NBAS: variants seen among roughly 807,000 people sequenced by gnomAD.
The protein encoded by NBAS is NBAS subunit of NRZ tethering complex, also known as NAG/BC035112 fusion.
A neutral mutation model predicts 302.5 loss-of-function variants in NBAS; 219 were observed. The observed-to-expected ratio is 0.72, with a 90% CI of 0.65 to 0.81. The LOEUF (loss-of-function observed/expected upper bound fraction) is 0.81. Ranked by LOEUF, NBAS falls within the 30% of genes least tolerant of loss-of-function variation. The pLI is 0.00. For synonymous variants in NBAS, 1,118 were observed against 1,021.6 expected (o/e 1.09, Z -1.80); for missense variants, 2,932 against 2,841.6 (o/e 1.03, Z -0.72).
chr2:15,549,033 G>C (rs1664250291), intron 6 of NBAS, among the ~76,000 whole-genome samples: 1 of 152,158 alleles, frequency 6.6e-6, no homozygotes, highest in South Asian at 2.1e-4. Flanking sequence ...ATTTCAGGTA[G>C]AATTATAGTA....
chr2:15,122,594 A>T, the NBAS span, among the ~76,000 whole-genome samples: 1 of 152,178 alleles, frequency 6.6e-6, no homozygotes, highest in East Asian at 1.9e-4. Context: ...CATCCAAACC[A>T]TATCAAGGAG....
At chr2:14,887,357 C>G in the NBAS span, among the ~76,000 whole-genome samples, 1 of 147,512 alleles carries the variant, frequency 6.8e-6, no homozygotes, top group East Asian at 2.0e-4. Context: ...GATCTGAGAT[C>G]GCGCCACCGC....
At chr2:15,028,076 G>A in the NBAS span, among the ~76,000 whole-genome samples, 1 of 152,120 alleles carries the variant, frequency 6.6e-6, no homozygotes, top group Non-Finnish European at 1.5e-5. Context: ...TAAATGCACA[G>A]TTTTAAAGTT....
rs756660740 is a variant in NBAS, at chr2:15,467,397, C to G, written c.2029G>C (p.Glu677Gln). ...CTACAACGGCAAAGTTCCTTTTGTT[C>G]CAGTGTCAACCTGTTTTGAATAACT... is the stretch of plus-strand genomic sequence containing the variant. Reference protein sequence around the residue: ...KLVNFSKLTLEQKELCRCRRK... With the variant: ...KLVNFSKLTLQQKELCRCRRK... Residue 677 changes from glutamate (E) to glutamine (Q), a missense_variant, in exon 19 of 52, where the codon GAA (glutamate) becomes CAA (glutamine). Physicochemically the swap from Glu to Gln is conservative, Grantham distance 29 (BLOSUM62 2). Coordinates refer to ENST00000281513, the MANE Select transcript of NBAS (RefSeq NM_015909.4). 3 of 1,612,652 alleles carry G rather than the reference C, an allele frequency of 1.9e-6. No individual in the cohort carries two copies. Among genetic ancestry groups the G allele is most frequent in the Admixed American group, 3.3e-5 (2 of 59,994 alleles).
At chr2:14,905,496 C>A in the NBAS span, among the ~76,000 whole-genome samples, 1 of 152,160 alleles carries the variant, frequency 6.6e-6, no homozygotes, top group East Asian at 1.9e-4. Flanking sequence ...GCCAACAACC[C>A]AACTCTCTCT....
chr2:15,332,255 T>C (rs1672387409), intron 35 of NBAS, among the ~76,000 whole-genome samples: 1 of 152,236 alleles, frequency 6.6e-6, no homozygotes, highest in Non-Finnish European at 1.5e-5. Context: ...ACCTTGATTT[T>C]GGCCTTGTGT....
intron 16 of NBAS, among the ~76,000 whole-genome samples, chr2:15,469,547 T>C (rs1008299985): frequency 2.0e-5 from 3 of 152,162 alleles, no homozygotes; most frequent in African/African-American, 7.2e-5. Context: ...CGTATGTTTA[T>C]AGCGACACTA....
At chr2:15,054,393 G>A in the NBAS span, among the ~76,000 whole-genome samples, 4 of 152,150 alleles carry the variant, frequency 2.6e-5, no homozygotes, top group Non-Finnish European at 5.9e-5. Context: ...GGCTTGGGAG[G>A]GCACTGAAGA....
At chr2:14,977,315 A>T in the NBAS span, among the ~76,000 whole-genome samples, 2 of 152,236 alleles carry the variant, frequency 1.3e-5, no homozygotes, top group East Asian at 3.8e-4. Flanking sequence ...ACAGTGGATG[A>T]ACAAAGAATC....
chr2:15,544,160 T>C (rs1005865750), intron 6 of NBAS, among the ~76,000 whole-genome samples: 1 of 152,216 alleles, frequency 6.6e-6, no homozygotes, highest in Non-Finnish European at 1.5e-5. Context: ...ATATATACAT[T>C]CTTTACTTCC....
chr2:15,463,662 C>G, intron 19 of NBAS, among the ~76,000 whole-genome samples: 1 of 151,846 alleles, frequency 6.6e-6, no homozygotes, highest in Middle Eastern at 3.2e-3. Context: ...CCAGTCAAAC[C>G]CAGCTATGAT....
intron 31 of NBAS, among the ~76,000 whole-genome samples, chr2:15,372,259 T>C (rs1997305): frequency 0.56 from 85,390 of 152,012 alleles, 25,791 homozygotes; most frequent in Non-Finnish European, 0.68. Context: ...GAGAAAAGCA[T>C]ATACATATAC....
chr2:14,936,833 G>A, the NBAS span, among the ~76,000 whole-genome samples: 1 of 152,162 alleles, frequency 6.6e-6, no homozygotes, highest in Admixed American at 6.5e-5. Flanking sequence ...GCACTGACAG[G>A]ACAACACTTT....
intron 6 of NBAS, among the ~76,000 whole-genome samples, chr2:15,542,765 C>T (rs1265101272): frequency 5.3e-5 from 8 of 152,132 alleles, no homozygotes; most frequent in Admixed American, 1.3e-4. Flanking sequence ...TGACAATTTT[C>T]CCCTGAAAAT....
chr2:14,888,263 T>C, the NBAS span, among the ~76,000 whole-genome samples: 1 of 152,158 alleles, frequency 6.6e-6, no homozygotes, highest in Non-Finnish European at 1.5e-5. Flanking sequence ...CCTGAGTAGC[T>C]TGGATTACAG....
chr2:15,412,797 T>A lies in NBAS; in HGVS notation c.2937+2749A>T, dbSNP rs1368150848. Among the ~76,000 whole-genome samples the A allele has an allele frequency of 2.0e-5, 3 of 152,136 alleles. No homozygotes were observed. The East Asian group carries it at 5.8e-4, about 29-fold the overall frequency. ...GCCATGAAGGGGGGGCTCTTACACA[T>A]CATTTGCCTGATAACAGGTAACTAT... On this transcript the variant is annotated intron_variant, in intron 25 of 51. Transcript: ENST00000281513.
intron 13 of NBAS, among the ~76,000 whole-genome samples, chr2:15,476,656 G>C (rs116598399): frequency 6.6e-6 from 1 of 151,966 alleles, no homozygotes; most frequent in African/African-American, 2.4e-5. Flanking sequence ...TGGAGGTCGC[G>C]GTGAGCCTAG....
intron 46 of NBAS, among the ~76,000 whole-genome samples, chr2:15,234,222 T>C (rs1667493987): frequency 6.6e-6 from 1 of 152,200 alleles, no homozygotes; most frequent in African/African-American, 2.4e-5. Flanking sequence ...TGAAAAACCA[T>C]ATTGAAGTCA....
the NBAS span, among the ~76,000 whole-genome samples, chr2:15,136,049 C>G: frequency 6.6e-6 from 1 of 152,302 alleles, no homozygotes; most frequent in African/African-American, 2.4e-5. Context: ...ACACCATTCT[C>G]CGGTCAAGAG....
Sources: allele counts gnomAD v4.1 joint callset (sites outside exome capture counted in the v4.1 genomes callset), GRCh38; gene constraint gnomAD v4.1.1; transcripts MANE v1.5; gene names NCBI Gene and HGNC (gene_info 2026-07-23, HGNC 2026-07-21).